The following PSME4 variants were observed in gnomAD, a reference collection of about 807,000 sequenced individuals.
The protein encoded by PSME4 is proteasome activator complex subunit 4.
In PSME4, 89 loss-of-function variants were observed where a neutral mutation model predicts 253.9. That is an observed-to-expected ratio of 0.35 (90% CI 0.30 to 0.42). The LOEUF (loss-of-function observed/expected upper bound fraction) is 0.42, where lower values mean the gene tolerates loss of function less well. Ranked by LOEUF, PSME4 falls within the 10% of genes least tolerant of loss-of-function variation. PSME4 has a pLI of 1.00. For missense variants in PSME4, 2,014 were observed against 2,195.2 expected (o/e 0.92, Z 1.65); for synonymous variants, 851 against 759.2 (o/e 1.12, Z -1.99).
intron 3 of PSME4, among the ~76,000 whole-genome samples, chr2:53,940,962 T>TATATATATACATATTTAA (rs1669403837): frequency 7.7e-5 from 4 of 51,672 alleles, no homozygotes; most frequent in African/African-American, 2.5e-4. Context: ...CATATATATA[T>TATATATATACATATTTAA]ATATATATAT....
chr2:53,907,503 C>T (rs1680714544), intron 24 of PSME4, among the ~76,000 whole-genome samples: 1 of 152,084 alleles, frequency 6.6e-6, no homozygotes, highest in Non-Finnish European at 1.5e-5. Flanking sequence ...AGTTTAACTC[C>T]CTTTCTTGCT....
intron 41 of PSME4, among the ~76,000 whole-genome samples, chr2:53,876,716 CTTTTTT>C (rs10599430): frequency 2.0e-5 from 2 of 97,832 alleles, no homozygotes; most frequent in Non-Finnish European, 3.9e-5. Context: ...CACTGTCATT[CTTTTTT>C]TTTTTTTTTT....
At chr2:53,966,862 G>C (rs1418034742) in intron 1 of PSME4, among the ~76,000 whole-genome samples, 1 of 152,080 alleles carries the variant, frequency 6.6e-6, no homozygotes, top group African/African-American at 2.4e-5. Context: ...ACCATGCCAG[G>C]CTAATTTTCT....
At chr2:53,886,180 G>T (rs1679627011) in intron 40 of PSME4, among the ~76,000 whole-genome samples, 1 of 152,172 alleles carries the variant, frequency 6.6e-6, no homozygotes, top group Admixed American at 6.5e-5. Context: ...GGCCAAGGCG[G>T]GAGGATCCCT....
chr2:53,915,948 G>A (rs1668041227), intron 20 of PSME4, among the ~76,000 whole-genome samples: 1 of 151,988 alleles, frequency 6.6e-6, no homozygotes, highest in African/African-American at 2.4e-5. Flanking sequence ...GGTGGCACAC[G>A]CCTGCAATAC....
chr2:53,888,885 T>C (rs1161489104), intron 37 of PSME4, 73 bp from the exon 38 acceptor site: 2 of 1,226,328 alleles, frequency 1.6e-6, no homozygotes, highest in Non-Finnish European at 2.4e-6. Flanking sequence ...CTCAGTTATT[T>C]AATTTAATTT....
chr2:53,871,402 C>T (rs805386), intron 43 of PSME4, among the ~76,000 whole-genome samples: 43,654 of 151,590 alleles, frequency 0.29, 6,656 homozygotes, highest in South Asian at 0.45. Context: ...AGCTACAACC[C>T]GCTGCCACGC....
At position 53,866,121 on chromosome 2, in the gene PSME4, C is replaced by G. The variant is rs781139148; in HGVS notation, c.5500G>C (p.Asp1834His). 1.2e-6 allele frequency: 2 copies of G among 1,613,170 alleles called. No individual in the cohort carries two copies. The highest frequency in any genetic ancestry group is 1.1e-5 in the South Asian group (1 of 91,034). Residue 1834 changes from aspartate to histidine, a missense_variant, in exon 46 of 47, where the codon GAT becomes CAT. Physicochemically the swap from Asp to His is moderately conservative, Grantham distance 81. Coordinates refer to ENST00000404125, the MANE Select transcript of PSME4 (RefSeq NM_014614.3). ...TAATAGCATGGTGACACAAGAAGAT[C>G]GGTGAGAACAAGCAGTTGGTCATCA... is the stretch of plus-strand genomic sequence containing the variant. Reference protein sequence around the residue: ...FTDDQLLVLTDLLVSPCYYA With the variant: ...FTDDQLLVLTHLLVSPCYYA
intron 1 of PSME4, among the ~76,000 whole-genome samples, chr2:53,960,041 A>T (rs1670410708): frequency 6.6e-6 from 1 of 152,220 alleles, no homozygotes; most frequent in Non-Finnish European, 1.5e-5. Context: ...GAAAGCTGTC[A>T]TCACTTAAGT....
intron 1 of PSME4, among the ~76,000 whole-genome samples, chr2:53,959,168 T>G (rs566055032): frequency 6.4e-4 from 98 of 152,142 alleles, no homozygotes; most frequent in Non-Finnish European, 5.9e-4. Flanking sequence ...AATACAAAAA[T>G]TATTTTGTAT....
chr2:53,877,389 G>C (rs953646928), intron 41 of PSME4, among the ~76,000 whole-genome samples: 1 of 151,552 alleles, frequency 6.6e-6, no homozygotes, highest in Non-Finnish European at 1.5e-5. Flanking sequence ...CTCTAGCCAG[G>C]GTGACAGAGT....
At chr2:53,906,042 G>A (rs1217975479) in intron 26 of PSME4, among the ~76,000 whole-genome samples, 1 of 152,146 alleles carries the variant, frequency 6.6e-6, no homozygotes, top group Non-Finnish European at 1.5e-5. Context: ...TGCTTAACCT[G>A]TAGTTAATTT....
At position 53,949,160 on chromosome 2, in the gene PSME4, A is replaced by C. The variant is rs1365902343; in HGVS notation, c.366T>G (p.Leu122=). 1 of 1,601,036 alleles carries C rather than the reference A, an allele frequency of 6.2e-7. No individual in the cohort carries two copies. The highest frequency in any genetic ancestry group is 8.5e-7 in the Non-Finnish European group (1 of 1,173,982). ...AGACTTACTTTAACAAGTTGATCAA[A>C]AGGCGGGCAAATCCCTGCATCATGC... ...EISMMQGFAR[L]LINLLKKKEL... is the part of the protein sequence containing the mutation. Residue 122 remains leucine, a synonymous_variant, in exon 2 of 47, where the codon CTT becomes CTG. Coordinates refer to ENST00000404125, the MANE Select transcript of PSME4 (RefSeq NM_014614.3).
Position 53,887,979 on chromosome 2 carries a change from C to T in PSME4, c.4399G>A (p.Val1467Ile), listed in dbSNP as rs770851324. The change falls in exon 39 of 47, where the codon GTA (valine) becomes ATA (isoleucine). Residue 1467 changes from valine to isoleucine, a missense_variant. This residue lies in a region of PSME4 where 403 missense variants were observed against 556.1 expected (regional missense o/e 0.72). Coordinates refer to ENST00000404125, the MANE Select transcript of PSME4 (RefSeq NM_014614.3). ...GSFVDACRLY[V>I]LQGGLAQQEW... Reference sequence around the variant, plus strand: ...TGCTGGGCAAGGCCACCTTGTAGTACATAAAGTCGACTAAAATTAAAGCAT... The same window carrying T: ...TGCTGGGCAAGGCCACCTTGTAGTATATAAAGTCGACTAAAATTAAAGCAT... The T allele has an allele frequency of 1.4e-5, 23 of 1,609,632 alleles. No homozygotes were observed. Among genetic ancestry groups the T allele is most frequent in the Middle Eastern group, 1.7e-4 (1 of 6,054 alleles).
At chr2:53,955,833 G>T (rs1303987131) in intron 1 of PSME4, among the ~76,000 whole-genome samples, 1 of 152,158 alleles carries the variant, frequency 6.6e-6, no homozygotes, top group East Asian at 1.9e-4. Context: ...GAGGTGGGAA[G>T]ATTGGTGGGG....
chr2:53,932,081 A>T lies in PSME4; in HGVS notation c.1070T>A (p.Leu357His). The change falls in exon 10 of 47, where the codon CTT (leucine) becomes CAT (histidine). Residue 357 changes from leucine (L) to histidine (H), a missense_variant. Leu to His is a moderately conservative substitution (Grantham distance 99, BLOSUM62 -3). This residue lies in a region of PSME4 where 615 missense variants were observed against 594.4 expected (regional missense o/e 1.03). Coordinates refer to ENST00000404125, the MANE Select transcript of PSME4 (RefSeq NM_014614.3). Reference protein sequence around the residue: ...GRWLNKLMKLLQRLPNSVVRR... With the variant: ...GRWLNKLMKLHQRLPNSVVRR... ...AACAACACTGTTTGGCAACCGCTGA[A>T]GTAGTTTCATTAACTTGTTCTGGGG... The T allele has an allele frequency of 6.2e-7, 1 of 1,614,018 alleles. No individual in the cohort carries two copies. Among genetic ancestry groups the T allele is most frequent in the Non-Finnish European group, 8.5e-7 (1 of 1,179,908 alleles).
chr2:53,964,425 CT>C (rs34991936), intron 1 of PSME4, among the ~76,000 whole-genome samples: 9 of 151,922 alleles, frequency 5.9e-5, no homozygotes, highest in Non-Finnish European at 8.8e-5. Context: ...AAATCAGTTC[CT>C]TTTTTTTCCC....
chr2:53,932,020 A>T lies in PSME4; in HGVS notation c.1131T>A (p.Ser377=), dbSNP rs147405870. 5.8e-5 allele frequency: 94 copies of T among 1,613,750 alleles called. No individual in the cohort carries two copies. The highest frequency in any genetic ancestry group is 2.7e-4 in the South Asian group (25 of 91,070). ...GGCTATCAGGCACAGGAGTTAACCA[A>T]GAGGGCTTCTTGTATCTTTCACGAT... ...RLHRERYKKP[S]WLTPVPDSHK... The change falls in exon 10 of 47, where the codon TCT becomes TCA. Residue 377 remains serine, a synonymous_variant. Coordinates refer to ENST00000404125, the MANE Select transcript of PSME4 (RefSeq NM_014614.3).
chr2:53,893,590 T>A, intron 35 of PSME4, 84 bp downstream of exon 35: 3 of 1,563,674 alleles, frequency 1.9e-6, no homozygotes, highest in East Asian at 4.6e-5. Context: ...ATGGCTAGCT[T>A]TGATCAAATA....
Sources: gnomAD v4.1 joint callset for allele counts (sites outside exome capture counted in the v4.1 genomes callset) on GRCh38, gnomAD v4.1.1 for gene constraint, gnomAD v4.1.1 regional missense constraint, MANE v1.5 for transcripts, NCBI Gene and HGNC (gene_info 2026-07-23, HGNC 2026-07-21) for gene names.